PCDHB1: variants seen among roughly 807,000 people sequenced by gnomAD.
PCDHB1 encodes the protein protocadherin beta-1.
A neutral mutation model predicts 43.5 loss-of-function variants in PCDHB1; 44 were observed. The ratio of observed to expected loss-of-function variants is 1.01; its 90% CI spans 0.79 to 1.30. PCDHB1 has a LOEUF of 1.30. PCDHB1 is among the 50% of genes most tolerant of loss of function. The pLI, the probability that PCDHB1 is intolerant of heterozygous loss-of-function variation, is 0.00. For synonymous variants in PCDHB1, 392 were observed against 400.8 expected, an observed-to-expected ratio of 0.98 and a Z score of 0.26; for missense variants, 919 against 1,008.9, an observed-to-expected ratio of 0.91 and a Z score of 1.21.
Position 141,057,548 on chromosome 5 carries a change from AAAAAAAAAAAGAAAAAAAGAAAAAAG to A in PCDHB1, c.*3631_*3656del, listed in dbSNP as rs1390452392. Reference sequence around the variant, plus strand: ...AAAGCAAGACTCTGTCTCAAAAAAAAAAAAAAAAAAGAAAAAAAGAAAAAAGAAAAAAAAAGGTAAGATAACAATCT... The same window carrying A: ...AAAGCAAGACTCTGTCTCAAAAAAAAAAAAAAAAAGGTAAGATAACAATCT... On this transcript the variant is annotated 3_prime_UTR_variant, in exon 1 of 1. Transcript: ENST00000306549. 3 of 150,998 alleles carry A rather than the reference AAAAAAAAAAAGAAAAAAAGAAAAAAG, an allele frequency of 2.0e-5. No homozygotes were observed. The highest frequency in any genetic ancestry group is 2.0e-4 in the Admixed American group (3 of 15,180). 9.4% of individuals were successfully genotyped at this position (150,998 alleles called of 1,614,324 possible).
Position 141,052,840 on chromosome 5 carries a change from A to T in PCDHB1, c.1370A>T (p.Tyr457Phe), listed in dbSNP as rs577378110. The T allele has an allele frequency of 3.1e-6, 5 of 1,614,186 alleles. No homozygotes were observed. The highest frequency in any genetic ancestry group is 4.2e-6 in the Non-Finnish European group (5 of 1,180,038). The change falls in exon 1 of 1, where the codon TAT (tyrosine) becomes TTT (phenylalanine). Residue 457 changes from tyrosine (Y) to phenylalanine (F), a missense_variant. Coordinates refer to ENST00000306549, the MANE Select transcript of PCDHB1 (RefSeq NM_013340.4). ...DNPPIFREDSYILTVRENNSP... is the reference protein window; with the variant it reads ...DNPPIFREDSFILTVRENNSP... ...CCTCCAATATTTCGGGAAGATTCCTATATCTTGACTGTTCGAGAAAACAAC... is the reference window on the plus strand; with the variant it reads ...CCTCCAATATTTCGGGAAGATTCCTTTATCTTGACTGTTCGAGAAAACAAC...
Position 141,057,550 on chromosome 5 carries a change from AAAAAAAAAG to A in PCDHB1, c.*3631_*3639del, listed in dbSNP as rs1370409595. The A allele has an allele frequency of 2.1e-4, 32 of 151,128 alleles. No homozygotes were observed. Among genetic ancestry groups the A allele is most frequent in the African/African-American group, 7.5e-4 (31 of 41,398 alleles). The allele number at this position is 151,128 out of a possible 1,614,324, so 9.4% of individuals were successfully genotyped here. A position where few individuals can be genotyped will look rare whatever the true frequency, so the allele number is the denominator to read the frequency against. On this transcript the variant is annotated 3_prime_UTR_variant, in exon 1 of 1. Coordinates refer to ENST00000306549, the MANE Select transcript of PCDHB1 (RefSeq NM_013340.4). The stretch of plus-strand genomic sequence containing the variant: ...AGCAAGACTCTGTCTCAAAAAAAAA[AAAAAAAAAG>A]AAAAAAAGAAAAAAGAAAAAAAAAG...
In PCDHB1 at chr5:141,053,282, A is replaced by G. The variant is rs1554267429; in HGVS notation, c.1812A>G (p.Ser604=). 3 of 1,614,232 alleles carry G rather than the reference A, an allele frequency of 1.9e-6. No homozygotes were observed. Among genetic ancestry groups the G allele is most frequent in the South Asian group, 1.1e-5 (1 of 91,082 alleles). The part of the protein sequence containing the change: ...DGDSGQNSWL[S]YHLLKATDLG... ...ACTCAGGTCAGAATTCTTGGCTTTC[A>G]TATCATCTACTTAAGGCCACTGACC... The change falls in exon 1 of 1, where the codon TCA becomes TCG. Residue 604 remains serine (S), a synonymous_variant. Coordinates refer to ENST00000306549, the MANE Select transcript of PCDHB1 (RefSeq NM_013340.4).
At position 141,051,672 on chromosome 5, in the gene PCDHB1, T is replaced by A; in HGVS notation, c.202T>A (p.Ser68Thr). ...KLAARGARLV[S>T]EGNKMHFRLH... ...GGCTGCGCGCGGGGCGCGGCTGGTTTCCGAGGGCAACAAAATGCATTTCCG... is the reference window on the plus strand; with the variant it reads ...GGCTGCGCGCGGGGCGCGGCTGGTTACCGAGGGCAACAAAATGCATTTCCG... Residue 68 changes from serine to threonine, a missense_variant, in exon 1 of 1, where the codon TCC (serine) becomes ACC (threonine). By Grantham distance (58) the Ser-to-Thr change is moderately conservative (BLOSUM62 1). Coordinates refer to ENST00000306549, the MANE Select transcript of PCDHB1 (RefSeq NM_013340.4). 6.2e-7 allele frequency: 1 copy of A among 1,614,256 alleles called. No individual in the cohort carries two copies. The highest frequency in any genetic ancestry group is 1.3e-5 in the African/African-American group (1 of 75,072).
Position 141,052,404 on chromosome 5 carries a change from A to G in PCDHB1, c.934A>G (p.Ile312Val). ...RLRGPLDFEA[I>V]ETYDIDIQAT... is the part of the protein sequence containing the mutation. ...AAGAGGACCCCTCGATTTTGAAGCC[A>G]TTGAAACATACGACATTGACATTCA... Residue 312 changes from isoleucine (I) to valine (V), a missense_variant, in exon 1 of 1, where the codon ATT (isoleucine) becomes GTT (valine). Coordinates refer to ENST00000306549, the MANE Select transcript of PCDHB1 (RefSeq NM_013340.4). 1 of 1,614,234 alleles carries G rather than the reference A, an allele frequency of 6.2e-7. No individual in the cohort carries two copies. The highest frequency in any genetic ancestry group is 8.5e-7 in the Non-Finnish European group (1 of 1,180,032).
In PCDHB1 at chr5:141,052,198, C is replaced by T. The variant is rs782287863; in HGVS notation, c.728C>T (p.Ser243Leu). ...GTCAACGACCACGTGCCCCAGTTCT[C>T]GCGACTGGTGTACAGAGCCCAGGTA... ...LDVNDHVPQF[S>L]RLVYRAQVSE... The change falls in exon 1 of 1, where the codon TCG becomes TTG. Residue 243 changes from serine (S) to leucine (L), a missense_variant. Ser to Leu is a moderately radical substitution (Grantham distance 145, BLOSUM62 -2). Transcript: ENST00000306549. 11 of 1,614,132 alleles carry T rather than the reference C, an allele frequency of 6.8e-6. No homozygotes were observed. Among genetic ancestry groups the T allele is most frequent in the Non-Finnish European group, 5.1e-6 (6 of 1,180,002 alleles).
rs1751154138 is a variant in PCDHB1, at chr5:141,057,403, G to A, written c.*3476G>A. 6.6e-6 allele frequency: 1 copy of A among 151,702 alleles called. No individual in the cohort carries two copies. Among genetic ancestry groups the A allele is most frequent in the Non-Finnish European group, 1.5e-5 (1 of 67,938 alleles). 9.4% of individuals were successfully genotyped at this position (151,702 alleles called of 1,614,324 possible). ...TTAAAAATACAAAAATTAGCTGGGT[G>A]TGGTGGTATGTGCCTGTAGTCCCAG... On this transcript the variant is annotated 3_prime_UTR_variant, in exon 1 of 1. Transcript: ENST00000306549.
Position 141,053,836 on chromosome 5 carries a change from T to A in PCDHB1, c.2366T>A (p.Met789Lys). The change falls in exon 1 of 1, where the codon ATG (methionine) becomes AAG (lysine). Residue 789 changes from methionine to lysine, a missense_variant. Transcript: ENST00000306549. ...CCTCATGCCACTGGGGAGATAAAAA[T>A]GGAGGCTGGCTCCAGTTTGCCCCCA... ...PFPHATGEIKMEAGSSLPPNS... is the reference protein window; with the variant it reads ...PFPHATGEIKKEAGSSLPPNS... The A allele has an allele frequency of 1.1e-5, 17 of 1,614,130 alleles. No homozygotes were observed. Among genetic ancestry groups the A allele is most frequent in the Non-Finnish European group, 1.4e-5 (17 of 1,180,000 alleles).
rs2154005598 is a variant in PCDHB1 at position 141,054,463 on chromosome 5, C to G, written c.*536C>G. On this transcript the variant is annotated 3_prime_UTR_variant, in exon 1 of 1. Coordinates refer to ENST00000306549, the MANE Select transcript of PCDHB1 (RefSeq NM_013340.4). ...TATTCAGGAATCTCTAAATTCTTGTCCCTGATGAGTGATTATCTTTGATCA... is the reference window on the plus strand; with the variant it reads ...TATTCAGGAATCTCTAAATTCTTGTGCCTGATGAGTGATTATCTTTGATCA... 6.5e-6 allele frequency: 1 copy of G among 152,768 alleles called. No homozygotes were observed. The highest frequency in any genetic ancestry group is 3.4e-3 in the Middle Eastern group (1 of 294). 9.5% of individuals were successfully genotyped at this position (152,768 alleles called of 1,614,324 possible). A position where few individuals can be genotyped will look rare whatever the true frequency, so the allele number is the denominator to read the frequency against.
Position 141,056,430 on chromosome 5 carries a change from G to A in PCDHB1, c.*2503G>A, listed in dbSNP as rs1224964356. 2.6e-5 allele frequency: 4 copies of A among 152,026 alleles called. No homozygotes were observed. The highest frequency in any genetic ancestry group is 2.6e-4 in the Admixed American group (4 of 15,266). The allele number at this position is 152,026 out of a possible 1,614,324, so 9.4% of individuals were successfully genotyped here. The stretch of plus-strand genomic sequence containing the variant: ...AGCAAATGCACTATATCAATGAATT[G>A]CTTTTATTTTTAATATTAAATATTT... On this transcript the variant is annotated 3_prime_UTR_variant, in exon 1 of 1. Coordinates refer to ENST00000306549, the MANE Select transcript of PCDHB1 (RefSeq NM_013340.4).
chr5:141,051,674 C>G lies in PCDHB1; in HGVS notation c.204C>G (p.Ser68=). ...KLAARGARLV[S]EGNKMHFRLH... The stretch of plus-strand genomic sequence containing the variant: ...CTGCGCGCGGGGCGCGGCTGGTTTC[C>G]GAGGGCAACAAAATGCATTTCCGGC... The change falls in exon 1 of 1, where the codon TCC becomes TCG. Residue 68 remains serine (S), a synonymous_variant. Coordinates refer to ENST00000306549, the MANE Select transcript of PCDHB1 (RefSeq NM_013340.4). The G allele has an allele frequency of 6.2e-7, 1 of 1,614,186 alleles. No homozygotes were observed. The highest frequency in any genetic ancestry group is 8.5e-7 in the Non-Finnish European group (1 of 1,180,030).
At position 141,051,780 on chromosome 5, in the gene PCDHB1, C is replaced by A. The variant is rs1312319748; in HGVS notation, c.310C>A (p.Leu104Met). The A allele has an allele frequency of 6.2e-7, 1 of 1,614,126 alleles. No homozygotes were observed. The highest frequency in any genetic ancestry group is 1.7e-5 in the Admixed American group (1 of 60,016). ...TTGTGGCAAAGCCGACCCTTGTGTT[C>A]TGCACTTTGAAGTAGTCCTGGTGGA... is the stretch of plus-strand genomic sequence containing the variant. ...SLCGKADPCV[L>M]HFEVVLVEPL... Residue 104 changes from leucine to methionine, a missense_variant, in exon 1 of 1, where the codon CTG (leucine) becomes ATG (methionine). Physicochemically the swap from Leu to Met is conservative, Grantham distance 15. Transcript: ENST00000306549.
rs964678530 is a variant in PCDHB1, at chr5:141,058,397, A to G, written c.*4470A>G. Reference sequence around the variant, plus strand: ...AACTGAGGTAATGCATTATTGGGAAAAATACTGCAGAAATGATATTGTATC... The same window carrying G: ...AACTGAGGTAATGCATTATTGGGAAGAATACTGCAGAAATGATATTGTATC... On this transcript the variant is annotated 3_prime_UTR_variant, in exon 1 of 1. Transcript: ENST00000306549. 6.6e-6 allele frequency: 1 copy of G among 152,248 alleles called. No individual in the cohort carries two copies. The highest frequency in any genetic ancestry group is 1.5e-5 in the Non-Finnish European group (1 of 68,050). The allele number at this position is 152,248 out of a possible 1,614,324, so 9.4% of individuals were successfully genotyped here. A position where few individuals can be genotyped will look rare whatever the true frequency, so the allele number is the denominator to read the frequency against.
In PCDHB1 at chr5:141,052,272, G is replaced by A. The variant is rs782481614; in HGVS notation, c.802G>A (p.Asp268Asn). 2 of 1,614,164 alleles carry A rather than the reference G, an allele frequency of 1.2e-6. No homozygotes were observed. Among genetic ancestry groups the A allele is most frequent in the Non-Finnish European group, 1.7e-6 (2 of 1,180,042 alleles). Reference protein sequence around the residue: ...GSLVATVTAVDLDEGTNKAIT... With the variant: ...GSLVATVTAVNLDEGTNKAIT... ...TTTGGTGGCCACGGTGACTGCCGTGGACCTAGACGAGGGCACCAACAAAGC... is the reference window on the plus strand; with the variant it reads ...TTTGGTGGCCACGGTGACTGCCGTGAACCTAGACGAGGGCACCAACAAAGC... The change falls in exon 1 of 1, where the codon GAC (aspartate) becomes AAC (asparagine). Residue 268 changes from aspartate to asparagine, a missense_variant. Physicochemically the swap from Asp to Asn is conservative, Grantham distance 23. Coordinates refer to ENST00000306549, the MANE Select transcript of PCDHB1 (RefSeq NM_013340.4).
chr5:141,051,517 C>T lies in PCDHB1; in HGVS notation c.47C>T (p.Ser16Phe). 6.2e-7 allele frequency: 1 copy of T among 1,614,224 alleles called. No homozygotes were observed. Among genetic ancestry groups the T allele is most frequent in the South Asian group, 1.1e-5 (1 of 91,088 alleles). Residue 16 changes from serine to phenylalanine, a missense_variant, in exon 1 of 1, where the codon TCT (serine) becomes TTT (phenylalanine). Transcript: ENST00000306549. The part of the protein sequence containing the change: ...RKSLQNRQVG[S>F]LLIFLCISVG... ...TCTTTGCAAAACAGGCAAGTGGGAT[C>T]TCTTCTCATTTTTCTGTGCATATCT...
Position 141,052,799 on chromosome 5 carries a change from C to G in PCDHB1, c.1329C>G (p.Ser443=). The G allele has an allele frequency of 6.2e-7, 1 of 1,614,014 alleles. No homozygotes were observed. The highest frequency in any genetic ancestry group is 8.5e-7 in the Non-Finnish European group (1 of 1,180,012). ...SAETMIEVLI[S]DVNDNPPIFR... is the part of the protein sequence containing the mutation. ...AGACTATGATAGAGGTGCTAATATC[C>G]GACGTTAATGACAATCCTCCAATAT... The change falls in exon 1 of 1, where the codon TCC becomes TCG. Residue 443 remains serine (S), a synonymous_variant. Transcript: ENST00000306549.
At position 141,053,061 on chromosome 5, in the gene PCDHB1, G is replaced by C. The variant is rs181406572; in HGVS notation, c.1591G>C (p.Val531Leu). Residue 531 changes from valine (V) to leucine (L), a missense_variant, in exon 1 of 1, where the codon GTG becomes CTG. Val to Leu is a conservative substitution (Grantham distance 32). Transcript: ENST00000306549. Reference protein sequence around the residue: ...DYEAIQDFQFVVKATDGGFLS... With the variant: ...DYEAIQDFQFLVKATDGGFLS... ...TGAGGCCATTCAAGATTTTCAATTT[G>C]TGGTAAAGGCAACTGATGGGGGCTT... is the stretch of plus-strand genomic sequence containing the variant. The C allele has an allele frequency of 3.9e-5, 63 of 1,614,190 alleles. No individual in the cohort carries two copies. In the East Asian group the frequency reaches 1.4e-3, roughly 35 times the overall value.
rs1554267750 is a variant in PCDHB1 at position 141,055,438 on chromosome 5, A to G, written c.*1511A>G. 1 of 151,210 alleles carries G rather than the reference A, an allele frequency of 6.6e-6. No individual in the cohort carries two copies. The highest frequency in any genetic ancestry group is 1.5e-5 in the Non-Finnish European group (1 of 68,046). The allele number at this position is 151,210 out of a possible 1,614,324, so 9.4% of individuals were successfully genotyped here. Reference sequence around the variant, plus strand: ...GACGCTGTCTCAAAAACATAAAAATAAATACATAAATACATAAATACATAA... The same window carrying G: ...GACGCTGTCTCAAAAACATAAAAATGAATACATAAATACATAAATACATAA... On this transcript the variant is annotated 3_prime_UTR_variant, in exon 1 of 1. Coordinates refer to ENST00000306549, the MANE Select transcript of PCDHB1 (RefSeq NM_013340.4).
In PCDHB1 at chr5:141,051,823, G is replaced by C. The variant is rs1168348895; in HGVS notation, c.353G>C (p.Arg118Pro). Residue 118 changes from arginine (R) to proline (P), a missense_variant, in exon 1 of 1, where the codon CGG (arginine) becomes CCG (proline). By Grantham distance (103) the Arg-to-Pro change is moderately radical. Coordinates refer to ENST00000306549, the MANE Select transcript of PCDHB1 (RefSeq NM_013340.4). ...VVLVEPLQSFRAEVRVFDIND... is the reference protein window; with the variant it reads ...VVLVEPLQSFPAEVRVFDIND... Reference sequence around the variant, plus strand: ...CTGGTGGAGCCGCTGCAGTCCTTCCGGGCCGAGGTCAGGGTATTTGATATC... The same window carrying C: ...CTGGTGGAGCCGCTGCAGTCCTTCCCGGCCGAGGTCAGGGTATTTGATATC... 7 of 1,614,090 alleles carry C rather than the reference G, an allele frequency of 4.3e-6. No homozygotes were observed. Among genetic ancestry groups the C allele is most frequent in the Non-Finnish European group, 5.9e-6 (7 of 1,180,054 alleles).
Sources: allele counts gnomAD v4.1 joint callset, GRCh38; gene constraint gnomAD v4.1.1; transcripts MANE v1.5; gene names NCBI Gene and HGNC (gene_info 2026-07-23, HGNC 2026-07-21).